Variants in BLTP1 observed in about 807,000 individuals in gnomAD.
BLTP1 encodes bridge-like lipid transfer protein family member 1, also known as fragile site-associated protein.
chr4:122,229,073 A>G, the BLTP1 span: 17 of 1,459,258 alleles, frequency 1.2e-5, no homozygotes, highest in Non-Finnish European at 1.5e-5. Flanking sequence ...GTATCAAAAT[A>G]ATAAGTTGAT....
the BLTP1 span, among the ~76,000 whole-genome samples, chr4:122,317,145 G>C: frequency 6.6e-6 from 1 of 151,950 alleles, no homozygotes; most frequent in African/African-American, 2.4e-5. Context: ...CAGCCTGGGT[G>C]ACATGGTGAA....
the BLTP1 span, chr4:122,211,864 C>T: frequency 6.5e-6 from 1 of 153,156 alleles, no homozygotes; most frequent in African/African-American, 2.4e-5. Flanking sequence ...AACAGATTAT[C>T]AACAATTCTT....
the BLTP1 span, chr4:122,169,805 C>G: frequency 3.0e-6 from 3 of 984,884 alleles, no homozygotes; most frequent in Admixed American, 6.1e-5. Context: ...AGCAGGAGGT[C>G]TCTTTACTGT....
At chr4:122,302,080 CAA>C in the BLTP1 span, 33 of 243,182 alleles carry the variant, frequency 1.4e-4, no homozygotes, top group Non-Finnish European at 2.0e-4. Context: ...AAAAAACAAA[CAA>C]AGACTATATT....
chr4:122,259,249 A>T, the BLTP1 span, among the ~76,000 whole-genome samples: 1 of 152,144 alleles, frequency 6.6e-6, no homozygotes, highest in African/African-American at 2.4e-5. Flanking sequence ...TTGATAAGAG[A>T]CATATAGCAA....
the BLTP1 span, chr4:122,199,466 A>T: frequency 6.3e-7 from 1 of 1,592,226 alleles, no homozygotes; most frequent in African/African-American, 1.3e-5. Context: ...TCTGTAGTAC[A>T]TGATGATATA....
chr4:122,321,775 T>A, the BLTP1 span, among the ~76,000 whole-genome samples: 1 of 151,754 alleles, frequency 6.6e-6, no homozygotes, highest in East Asian at 1.9e-4. Flanking sequence ...TCCCTCAATT[T>A]TTGTGTCTGA....
chr4:122,262,833 G>A, the BLTP1 span: 1 of 1,613,798 alleles, frequency 6.2e-7, no homozygotes, highest in Non-Finnish European at 8.5e-7. Flanking sequence ...AGTGCATGTT[G>A]GACGTGCTGG....
chr4:122,324,837 C>T, the BLTP1 span, among the ~76,000 whole-genome samples: 1 of 151,762 alleles, frequency 6.6e-6, no homozygotes, highest in Admixed American at 6.6e-5. Flanking sequence ...TATGCGTAAA[C>T]TTATAGATTA....
At chr4:122,300,618 CA>C in the BLTP1 span, among the ~76,000 whole-genome samples, 1 of 151,832 alleles carries the variant, frequency 6.6e-6, no homozygotes. Flanking sequence ...TTCAAAAGCC[CA>C]AAAAAGATTA....
At chr4:122,328,472 G>A in the BLTP1 span, 1 of 953,034 alleles carries the variant, frequency 1.0e-6, no homozygotes, top group Admixed American at 2.8e-5. Flanking sequence ...CCTCGCTTGA[G>A]TGAGACTAAC....
the BLTP1 span, chr4:122,224,174 G>A: frequency 5.2e-6 from 4 of 765,016 alleles, no homozygotes; most frequent in Non-Finnish European, 4.8e-6. Context: ...ACAAAAGACT[G>A]GTCTCTTGTA....
the BLTP1 span, chr4:122,204,629 A>G: frequency 1.0e-6 from 1 of 965,636 alleles, no homozygotes; most frequent in Non-Finnish European, 1.2e-6. Flanking sequence ...TATGAAAGAC[A>G]GTATTTAGTT....
At chr4:122,170,654 C>A in the BLTP1 span, 2 of 1,570,308 alleles carry the variant, frequency 1.3e-6, no homozygotes, top group South Asian at 2.4e-5. Context: ...AGTAATGGAT[C>A]AAAGGAAGAA....
chr4:122,201,069 T>A, the BLTP1 span: 1 of 1,613,830 alleles, frequency 6.2e-7, no homozygotes, highest in Non-Finnish European at 8.5e-7. Context: ...GCAGTGTGAA[T>A]TAGAGGTTTA....
the BLTP1 span, chr4:122,235,029 A>G: frequency 6.3e-7 from 1 of 1,592,296 alleles, no homozygotes. Flanking sequence ...AGATGGTAAT[A>G]AAATGTTTCG....
At chr4:122,325,891 A>G in the BLTP1 span, 8 of 1,184,580 alleles carry the variant, frequency 6.8e-6, no homozygotes, top group African/African-American at 1.3e-4. Context: ...ACCACAATCC[A>G]GCTGTCCTGG....
chr4:122,258,524 A>C, the BLTP1 span: 1 of 355,338 alleles, frequency 2.8e-6, no homozygotes, highest in Admixed American at 6.4e-5. Flanking sequence ...GTCTAATAAA[A>C]GCCGTTTGTT....
the BLTP1 span, chr4:122,334,319 TAA>T: frequency 5.4e-6 from 8 of 1,477,310 alleles, no homozygotes; most frequent in South Asian, 5.9e-5. Flanking sequence ...ATTTTAATTT[TAA>T]AAGTTTATTT....
Sources: gnomAD v4.1 joint callset for allele counts (sites outside exome capture counted in the v4.1 genomes callset) on GRCh38, gnomAD v4.1.1 for gene constraint, MANE v1.5 for transcripts, NCBI Gene and HGNC (gene_info 2026-07-23, HGNC 2026-07-21) for gene names.